EXOC6B: variants seen among roughly 807,000 people sequenced by gnomAD.
EXOC6B encodes the protein exocyst complex component 6B, also known as SEC15 homolog B.
A neutral mutation model predicts 113.5 loss-of-function variants in EXOC6B; 54 were observed. The observed-to-expected ratio is 0.48, with a 90% CI of 0.38 to 0.60. The LOEUF is 0.60. EXOC6B is among the 20% of genes least tolerant of loss of function. The pLI, the probability that EXOC6B is intolerant of heterozygous loss-of-function variation, is 0.00. For missense variants in EXOC6B, 797 were observed against 977.5 expected, an observed-to-expected ratio of 0.82 and a Z score of 2.46; for synonymous variants, 357 against 339.0, an observed-to-expected ratio of 1.05 and a Z score of -0.58.
At chr2:72,459,417 C>G (rs1447049110) in intron 18 of EXOC6B, among the ~76,000 whole-genome samples, 2 of 152,136 alleles carry the variant, frequency 1.3e-5, no homozygotes, top group Non-Finnish European at 2.9e-5. Context: ...GTCAAATTGT[C>G]CCTGTTTGAA....
chr2:72,454,139 G>C (rs1390810109), intron 18 of EXOC6B, among the ~76,000 whole-genome samples: 1 of 152,154 alleles, frequency 6.6e-6, no homozygotes, highest in Non-Finnish European at 1.5e-5. Context: ...AGGACACAGA[G>C]CCAAACCATA....
intron 6 of EXOC6B, among the ~76,000 whole-genome samples, chr2:72,691,926 C>T (rs1208386940): frequency 6.6e-6 from 1 of 151,860 alleles, no homozygotes; most frequent in Non-Finnish European, 1.5e-5. Flanking sequence ...TCAGGTGATC[C>T]GTCTGCCTCA....
At chr2:72,732,812 A>G (rs1428229804) in intron 3 of EXOC6B, among the ~76,000 whole-genome samples, 1 of 152,168 alleles carries the variant, frequency 6.6e-6, no homozygotes, top group Non-Finnish European at 1.5e-5. Flanking sequence ...GAAATAACAT[A>G]TCAGGCAGAG....
At chr2:72,345,609 A>G (rs1373969923) in intron 19 of EXOC6B, among the ~76,000 whole-genome samples, 4 of 152,178 alleles carry the variant, frequency 2.6e-5, no homozygotes, top group African/African-American at 7.2e-5. Context: ...TTCCAACTAT[A>G]TGACATTCTA....
chr2:72,773,574 A>T (rs1354648368), intron 1 of EXOC6B, among the ~76,000 whole-genome samples: 1 of 152,128 alleles, frequency 6.6e-6, no homozygotes, highest in East Asian at 1.9e-4. Context: ...TATACTTTTT[A>T]AAATTATACC....
chr2:72,811,311 T>C (rs1045412888), intron 1 of EXOC6B, among the ~76,000 whole-genome samples: 1 of 151,928 alleles, frequency 6.6e-6, no homozygotes, highest in Non-Finnish European at 1.5e-5. Flanking sequence ...CTCAAGACTC[T>C]GCTTAAAAGA....
chr2:72,586,351 C>T (rs1230024484), intron 6 of EXOC6B, among the ~76,000 whole-genome samples: 1 of 152,142 alleles, frequency 6.6e-6, no homozygotes, highest in African/African-American at 2.4e-5. Context: ...AACTATGCAT[C>T]TGATATCCAG....
At chr2:72,335,107 A>C in intron 19 of EXOC6B, 87 bp from the exon 20 acceptor site, 7 of 1,217,624 alleles carry the variant, frequency 5.7e-6, no homozygotes, top group Non-Finnish European at 8.5e-6. Context: ...AGACAAGAGA[A>C]GCTGGGGGAG....
At chr2:72,819,816 C>T (rs1345759275) in intron 1 of EXOC6B, among the ~76,000 whole-genome samples, 1 of 152,018 alleles carries the variant, frequency 6.6e-6, no homozygotes, top group African/African-American at 2.4e-5. Context: ...GGCAGTAGTC[C>T]TAGCTTGGTA....
intron 1 of EXOC6B, among the ~76,000 whole-genome samples, chr2:72,767,808 T>TA (rs34358568): frequency 0.16 from 2,051 of 12,670 alleles, 417 homozygotes; most frequent in Admixed American, 0.32. Context: ...GAGACCTTGT[T>TA]AAAAAAAAAA....
intron 2 of EXOC6B, among the ~76,000 whole-genome samples, chr2:72,736,562 A>C (rs1359075030): frequency 6.6e-6 from 1 of 152,210 alleles, no homozygotes; most frequent in Non-Finnish European, 1.5e-5. Flanking sequence ...CTCCAGTTCA[A>C]GTATTCCTGC....
intron 6 of EXOC6B, among the ~76,000 whole-genome samples, chr2:72,608,817 C>A (rs550317424): frequency 6.6e-6 from 1 of 151,896 alleles, no homozygotes; most frequent in East Asian, 1.9e-4. Flanking sequence ...AACAAAGTAT[C>A]ACAAAGAGAT....
At chr2:72,204,862 C>T (rs1415316502) in intron 20 of EXOC6B, among the ~76,000 whole-genome samples, 3 of 152,076 alleles carry the variant, frequency 2.0e-5, no homozygotes, top group South Asian at 4.2e-4. Context: ...TTTCACAGCT[C>T]TGAACAAAAG....
At chr2:72,244,856 G>A (rs1682551928) in intron 20 of EXOC6B, among the ~76,000 whole-genome samples, 6 of 151,712 alleles carry the variant, frequency 4.0e-5, no homozygotes, top group Admixed American at 3.3e-4. Context: ...ATGAAGAACT[G>A]GAATTTGAAA....
intron 18 of EXOC6B, among the ~76,000 whole-genome samples, chr2:72,401,239 A>G (rs1336416792): frequency 6.6e-6 from 1 of 151,038 alleles, no homozygotes; most frequent in African/African-American, 2.4e-5. Context: ...AGGTGGGTGG[A>G]TCACCTGAGG....
intron 10 of EXOC6B, 53 bp from the exon 11 acceptor site, chr2:72,513,305 CT>C: frequency 6.2e-7 from 1 of 1,605,724 alleles, no homozygotes; most frequent in Non-Finnish European, 8.5e-7. Flanking sequence ...AGTTTTATTA[CT>C]CTCTCTGGGG....
intron 20 of EXOC6B, among the ~76,000 whole-genome samples, chr2:72,268,263 A>G (rs1684259238): frequency 6.6e-6 from 1 of 152,096 alleles, no homozygotes. Context: ...GGCCTGCACC[A>G]CCACACCCAG....
At chr2:72,814,974 G>C (rs772316217) in intron 1 of EXOC6B, among the ~76,000 whole-genome samples, 20 of 152,244 alleles carry the variant, frequency 1.3e-4, no homozygotes, top group Non-Finnish European at 2.6e-4. Flanking sequence ...CTGGGCGACA[G>C]AGCGAGACTC....
chr2:72,758,118 G>C (rs1419987423), intron 1 of EXOC6B, among the ~76,000 whole-genome samples: 1 of 141,302 alleles, frequency 7.1e-6, no homozygotes, highest in African/African-American at 2.7e-5. Flanking sequence ...AGCCATGTTT[G>C]CACCACTGCA....
Sources: gnomAD v4.1 joint callset for allele counts (sites outside exome capture counted in the v4.1 genomes callset) on GRCh38, gnomAD v4.1.1 for gene constraint, MANE v1.5 for transcripts, NCBI Gene and HGNC (gene_info 2026-07-23, HGNC 2026-07-21) for gene names.